Variants in CNTNAP4 observed in about 807,000 individuals in gnomAD.
The protein encoded by CNTNAP4 is contactin-associated protein-like 4.
In CNTNAP4, 98 loss-of-function variants were observed where a neutral mutation model predicts 148.4. The observed-to-expected ratio is 0.66, with a 90% confidence interval of 0.56 to 0.78. The LOEUF (loss-of-function observed/expected upper bound fraction) is 0.78. Ranked by LOEUF, CNTNAP4 falls within the 30% of genes least tolerant of loss-of-function variation. The pLI is 0.00. For synonymous variants in CNTNAP4, 730 were observed against 565.1 expected, an observed-to-expected ratio of 1.29 and a Z score of -4.14; for missense variants, 1,935 against 1,565.6, an observed-to-expected ratio of 1.24 and a Z score of -3.98.
At position 76,548,295 on chromosome 16, in the gene CNTNAP4, C is replaced by CATTTTTTTTTTTTTTTTTTTTTTTTTT. The variant is rs759580311; in HGVS notation, c.3443-4988_3443-4987insATTTTTTTTTTTTTTTTTTTTTTTTTT. Among the ~76,000 whole-genome samples the CATTTTTTTTTTTTTTTTTTTTTTTTTT allele has an allele frequency of 5.4e-5, 5 of 92,908 alleles. 1 individual carries two copies. The highest frequency in any genetic ancestry group is 2.6e-4 in the Admixed American group (2 of 7,674). 61.0% of individuals were successfully genotyped at this position (92,908 alleles called of 152,430 possible). A position where few individuals can be genotyped will look rare whatever the true frequency, so the allele number is the denominator to read the frequency against. On this transcript the variant is annotated intron_variant, in intron 21 of 23. Coordinates refer to ENST00000611870, the MANE Select transcript of CNTNAP4 (RefSeq NM_033401.5). ...CCCTGGCTCTCTTGATTCACTGCAC[C>CATTTTTTTTTTTTTTTTTTTTTTTTTT]TTTTTTTTTTTTTTTTTTTTTTTTG... is the stretch of plus-strand genomic sequence containing the variant.
intron 18 of CNTNAP4, among the ~76,000 whole-genome samples, chr16:76,536,090 A>G (rs538295188): frequency 6.6e-6 from 1 of 152,288 alleles, no homozygotes; most frequent in Admixed American, 6.5e-5. Context: ...TAGTTGCTCA[A>G]TCTGCTTTTT....
intron 3 of CNTNAP4, among the ~76,000 whole-genome samples, chr16:76,402,050 A>G (rs547353327): frequency 6.6e-6 from 1 of 152,222 alleles, no homozygotes; most frequent in African/African-American, 2.4e-5. Flanking sequence ...GATGATATTT[A>G]CCTCATAGAA....
rs540144918 is a variant in CNTNAP4 at position 76,297,074 on chromosome 16, C to G, written c.85+19327C>G. ...GTAACTTATAACTGAACTCAAAAGA[C>G]TTAAACATAAGAGGGAAATCTCTTT... On this transcript the variant is annotated intron_variant, in intron 1 of 23. Coordinates refer to ENST00000611870, the MANE Select transcript of CNTNAP4 (RefSeq NM_033401.5). Among the ~76,000 whole-genome samples, 11 of 152,268 alleles carry G rather than the reference C, an allele frequency of 7.2e-5. No individual in the cohort carries two copies. In the East Asian group the frequency reaches 2.1e-3, roughly 29 times the overall value.
intron 4 of CNTNAP4, among the ~76,000 whole-genome samples, chr16:76,435,024 G>T (rs1312660392): frequency 1.3e-5 from 2 of 152,150 alleles, no homozygotes; most frequent in African/African-American, 2.4e-5. Context: ...CCTTTCCCCA[G>T]TGCACAGTTA....
chr16:76,558,494 G>C lies in CNTNAP4; in HGVS notation c.3738G>C (p.Leu1246=). The C allele has an allele frequency of 6.3e-7, 1 of 1,584,200 alleles. No individual in the cohort carries two copies. The highest frequency in any genetic ancestry group is 8.7e-7 in the Non-Finnish European group (1 of 1,154,354). Residue 1246 remains leucine (L), a synonymous_variant, in exon 24 of 24, where the codon CTG becomes CTC. Transcript: ENST00000611870. The stretch of plus-strand genomic sequence containing the variant: ...ATATTTCTTTTCTCTCTCTAGGTCT[G>C]ATAGCTGTTGTGATTTTTATCTTGC... ...IKSDSAVIGG[L]IAVVIFILLC... is the part of the protein sequence containing the mutation.
At chr16:76,385,577 TAG>T (rs1050273124) in intron 3 of CNTNAP4, among the ~76,000 whole-genome samples, 1 of 146,930 alleles carries the variant, frequency 6.8e-6, no homozygotes, top group Non-Finnish European at 1.5e-5. Flanking sequence ...TGTGTGTGTG[TAG>T]AGAGAGTGAG....
At chr16:76,417,586 C>T (rs1415957323) in intron 3 of CNTNAP4, among the ~76,000 whole-genome samples, 1 of 151,450 alleles carries the variant, frequency 6.6e-6, no homozygotes, top group African/African-American at 2.4e-5. Flanking sequence ...GCTATAAGCA[C>T]CCAATGCATG....
chr16:76,549,668 AT>A (rs34091775), intron 21 of CNTNAP4, among the ~76,000 whole-genome samples: 48,772 of 151,748 alleles, frequency 0.32, 8,152 homozygotes, highest in African/African-American at 0.42. Context: ...AAAAAATATG[AT>A]TTTTTTTCCC....
rs571019644 is a variant in CNTNAP4, at chr16:76,297,068, A to T, written c.85+19321A>T. On this transcript the variant is annotated intron_variant, in intron 1 of 23. Transcript: ENST00000611870. ...CCTTTAGTAACTTATAACTGAACTCAAAAGACTTAAACATAAGAGGGAAAT... is the reference window on the plus strand; with the variant it reads ...CCTTTAGTAACTTATAACTGAACTCTAAAGACTTAAACATAAGAGGGAAAT... 3.9e-5 allele frequency among the ~76,000 whole-genome samples: 6 copies of T among 152,334 alleles called. No homozygotes were observed. In the East Asian group the frequency reaches 1.2e-3, roughly 29 times the overall value.
intron 4 of CNTNAP4, among the ~76,000 whole-genome samples, chr16:76,445,731 A>G (rs145059935): frequency 1.1e-3 from 162 of 152,298 alleles, no homozygotes; most frequent in Non-Finnish European, 1.9e-3. Context: ...CACAAGCTAA[A>G]CCTTTAATGG....
chr16:76,375,547 A>G (rs997137238), intron 3 of CNTNAP4, among the ~76,000 whole-genome samples: 1 of 152,218 alleles, frequency 6.6e-6, no homozygotes, highest in East Asian at 1.9e-4. Context: ...TCTAGCACAC[A>G]GTAGAACAAG....
At chr16:76,525,217 G>A (rs1356776821) in intron 17 of CNTNAP4, among the ~76,000 whole-genome samples, 3 of 151,628 alleles carry the variant, frequency 2.0e-5, no homozygotes, top group Non-Finnish European at 4.4e-5. Context: ...TTCCCTGTAG[G>A]CAGACTCAGT....
chr16:76,327,309 T>C (rs1435962452), intron 2 of CNTNAP4, among the ~76,000 whole-genome samples: 1 of 152,170 alleles, frequency 6.6e-6, no homozygotes, highest in East Asian at 1.9e-4. Context: ...TGGTATTAGG[T>C]TTTCTATTTC....
In CNTNAP4 at chr16:76,516,989, G is replaced by A. The variant is rs192029940; in HGVS notation, c.2366-4151G>A. On this transcript the variant is annotated intron_variant, in intron 15 of 23. Transcript: ENST00000611870. ...TGAGGCAGGAGAATCGCTTCAACCC[G>A]GGAGGTGGAGGTTGCAGTGGCCAAT... Among the ~76,000 whole-genome samples, 24 of 152,294 alleles carry A rather than the reference G, an allele frequency of 1.6e-4. No homozygotes were observed. The East Asian group carries it at 1.7e-3, about 11-fold the overall frequency.
Position 76,493,686 on chromosome 16 carries a change from A to G in CNTNAP4, c.2081-1224A>G, listed in dbSNP as rs2082305300. On this transcript the variant is annotated intron_variant, in intron 13 of 23. Coordinates refer to ENST00000611870, the MANE Select transcript of CNTNAP4 (RefSeq NM_033401.5). Reference sequence around the variant, plus strand: ...ATATATTTATTAAGTATTTCAAGCAATTTTCACCTTCTGGTGAAGGGCTAA... The same window carrying G: ...ATATATTTATTAAGTATTTCAAGCAGTTTTCACCTTCTGGTGAAGGGCTAA... Among the ~76,000 whole-genome samples, 5 of 152,284 alleles carry G rather than the reference A, an allele frequency of 3.3e-5. No individual in the cohort carries two copies. The South Asian group carries it at 8.3e-4, about 25-fold the overall frequency.
intron 3 of CNTNAP4, among the ~76,000 whole-genome samples, chr16:76,411,063 A>C (rs2078775040): frequency 6.6e-6 from 1 of 151,478 alleles, no homozygotes; most frequent in African/African-American, 2.4e-5. Context: ...TATCATTATT[A>C]ATATACATTA....
chr16:76,532,203 C>G (rs1206240819), intron 17 of CNTNAP4, among the ~76,000 whole-genome samples: 1 of 152,168 alleles, frequency 6.6e-6, no homozygotes, highest in Non-Finnish European at 1.5e-5. Context: ...CAAAGATGAG[C>G]TGATGCATAC....
intron 21 of CNTNAP4, among the ~76,000 whole-genome samples, chr16:76,541,156 T>G (rs970784489): frequency 6.6e-6 from 1 of 152,190 alleles, no homozygotes; most frequent in African/African-American, 2.4e-5. Flanking sequence ...ATGATAAAAC[T>G]AAGATTAGAT....
At chr16:76,348,931 T>C (rs905759556) in intron 2 of CNTNAP4, among the ~76,000 whole-genome samples, 11 of 151,970 alleles carry the variant, frequency 7.2e-5, no homozygotes, top group Non-Finnish European at 1.2e-4. Context: ...CATGCTGATG[T>C]AACAGTGTAC....
Sources: allele counts gnomAD v4.1 joint callset (sites outside exome capture counted in the v4.1 genomes callset), GRCh38; gene constraint gnomAD v4.1.1; transcripts MANE v1.5; gene names NCBI Gene and HGNC (gene_info 2026-07-23, HGNC 2026-07-21).